The following NR3C1 variants were observed in gnomAD, a reference collection of about 807,000 sequenced individuals.
NR3C1 encodes nuclear receptor subfamily 3 group C member 1, also known as glucocorticoid receptor.
A neutral mutation model predicts 74.0 loss-of-function variants in NR3C1; 14 were observed. The ratio of observed to expected loss-of-function variants is 0.19; its 90% CI spans 0.12 to 0.30. NR3C1 has a LOEUF of 0.30. NR3C1 is among the 10% of genes least tolerant of loss of function. NR3C1 has a pLI of 1.00. For missense variants in NR3C1, 695 were observed against 909.8 expected (o/e 0.76, Z 3.04); for synonymous variants, 308 against 332.5 (o/e 0.93, Z 0.80).
rs1367059258 is a variant in NR3C1, at chr5:143,280,985, A to AAATT, written c.*900_*903dup. 2.0e-5 allele frequency: 3 copies of AAATT among 152,136 alleles called. No individual in the cohort carries two copies. Among genetic ancestry groups the AAATT allele is most frequent in the Admixed American group, 6.6e-5 (1 of 15,256 alleles). The allele number at this position is 152,136 out of a possible 1,614,324, so 9.4% of individuals were successfully genotyped here. ...CAGGGCCTCTTGGTAGTTATTTTTT[A>AAATT]AATTAGTCTTTTGCAACCATCATCC... On this transcript the variant is annotated 3_prime_UTR_variant, in exon 9 of 9. Coordinates refer to ENST00000394464, the MANE Select transcript of NR3C1 (RefSeq NM_000176.3).
chr5:143,293,810 A>G (rs1015276661), intron 7 of NR3C1: 19 of 838,088 alleles, frequency 2.3e-5, no homozygotes, highest in Middle Eastern at 6.2e-4. Context: ...ATTATTTACA[A>G]TGAAAAAAAT....
intron 2 of NR3C1, chr5:143,332,473 G>GT: frequency 3.7e-6 from 2 of 536,334 alleles, no homozygotes; most frequent in Non-Finnish European, 6.5e-6. Flanking sequence ...TACCTGATGA[G>GT]TTGATAGGTA....
intron 5 of NR3C1, among the ~76,000 whole-genome samples, 188 bp from the exon 6 acceptor site, chr5:143,299,000 C>CT (rs1817884419): frequency 7.4e-6 from 1 of 134,246 alleles, no homozygotes. Flanking sequence ...CACAAACCCT[C>CT]TTGTGTTTTT....
intron 3 of NR3C1, 45 bp downstream of exon 3, chr5:143,313,957 G>A (rs1460835894): frequency 6.2e-7 from 1 of 1,604,180 alleles, no homozygotes. Flanking sequence ...CCTGAGAAAT[G>A]AAAACCAAGT....
chr5:143,310,271 G>A, intron 3 of NR3C1, 58 bp from the exon 4 acceptor site: 5 of 1,200,118 alleles, frequency 4.2e-6, no homozygotes, highest in Non-Finnish European at 6.1e-6. Context: ...TATTTTATAA[G>A]GACAGCCTCT....
intron 1 of NR3C1, chr5:143,433,879 T>G (rs866103647): frequency 6.6e-6 from 1 of 152,410 alleles, no homozygotes; most frequent in Non-Finnish European, 1.5e-5. Context: ...AGTTCCTCCC[T>G]GCAGGCAGAG....
exon 1 of NR3C1, chr5:143,434,716 G>A: frequency 3.0e-6 from 3 of 985,438 alleles, no homozygotes; most frequent in Non-Finnish European, 3.6e-6. Context: ...GTTAATATCT[G>A]TGGCACACAA....
At chr5:143,317,750 TGTAAAATGTGCAG>T (rs1822466635) in intron 2 of NR3C1, among the ~76,000 whole-genome samples, 2 of 152,142 alleles carry the variant, frequency 1.3e-5, no homozygotes, top group Non-Finnish European at 1.5e-5. Flanking sequence ...TAGAGAAGCA[TGTAAAATGTGCAG>T]GTAAATTACA....
In NR3C1 at chr5:143,281,532, A is replaced by G. The variant is rs1256148309; in HGVS notation, c.*357T>C. On this transcript the variant is annotated 3_prime_UTR_variant, in exon 9 of 9. Transcript: ENST00000394464. ...AGAAAATTTCATCCAGCCAACTGTG[A>G]AAAAAAGTATGAAGAGAAAGTTCAT... 1 of 245,642 alleles carries G rather than the reference A, an allele frequency of 4.1e-6. No individual in the cohort carries two copies. 15.2% of individuals were successfully genotyped at this position (245,642 alleles called of 1,614,324 possible).
At chr5:143,435,315 T>C (rs1440441968) in exon 1 of NR3C1, 3 of 985,468 alleles carry the variant, frequency 3.0e-6, no homozygotes, top group Non-Finnish European at 2.4e-6. Flanking sequence ...TAAGGTCCAG[T>C]GATTTGGTAT....
intron 6 of NR3C1, among the ~76,000 whole-genome samples, chr5:143,297,331 A>G (rs1817529321): frequency 6.6e-6 from 1 of 152,198 alleles, no homozygotes; most frequent in South Asian, 2.1e-4. Flanking sequence ...TTAGTTTTAT[A>G]AACCAGGATA....
chr5:143,282,305 CAT>C (rs1469230185), intron 8 of NR3C1, among the ~76,000 whole-genome samples: 1 of 152,094 alleles, frequency 6.6e-6, no homozygotes, highest in Non-Finnish European at 1.5e-5. Context: ...ATGGATTAAT[CAT>C]ACTTTTTAAA....
intron 2 of NR3C1, among the ~76,000 whole-genome samples, chr5:143,379,542 T>A (rs980695179): frequency 1.3e-5 from 2 of 151,834 alleles, no homozygotes; most frequent in African/African-American, 4.8e-5. Flanking sequence ...CGCAAAAAAA[T>A]AAAAATAAAA....
chr5:143,412,680 C>T (rs765797064), intron 1 of NR3C1, among the ~76,000 whole-genome samples: 4 of 152,140 alleles, frequency 2.6e-5, no homozygotes, highest in Non-Finnish European at 4.4e-5. Flanking sequence ...TTCCACATTA[C>T]AGGTTTTTTT....
intron 2 of NR3C1, among the ~76,000 whole-genome samples, chr5:143,347,182 G>A (rs1193199598): frequency 1.3e-5 from 2 of 152,126 alleles, no homozygotes; most frequent in African/African-American, 4.8e-5. Flanking sequence ...TATTCAAATT[G>A]TCTTACCAAA....
Position 143,372,317 on chromosome 5 carries a change from T to C in NR3C1, c.1184+27339A>G, listed in dbSNP as rs535456079. On this transcript the variant is annotated intron_variant, in intron 2 of 8. Transcript: ENST00000394464. ...CCACTCCTGCACTTTGGGGCCACTA[T>C]GAAGTAAAATAAGGATTACTTGAAG... 3.9e-5 allele frequency among the ~76,000 whole-genome samples: 6 copies of C among 152,298 alleles called. No homozygotes were observed. In the South Asian group the frequency reaches 1.2e-3, roughly 32 times the overall value.
At chr5:143,408,753 G>A (rs1429337718) in intron 1 of NR3C1, among the ~76,000 whole-genome samples, 1 of 152,116 alleles carries the variant, frequency 6.6e-6, no homozygotes, top group Non-Finnish European at 1.5e-5. Context: ...TGCTCAAAAA[G>A]TTTTGGATTT....
intron 2 of NR3C1, among the ~76,000 whole-genome samples, chr5:143,338,246 G>A (rs1039003880): frequency 1.3e-5 from 2 of 152,086 alleles, no homozygotes; most frequent in African/African-American, 2.4e-5. Context: ...ACTGTGTACA[G>A]TACATAATAC....
At chr5:143,316,297 G>A (rs1822064221) in intron 2 of NR3C1, among the ~76,000 whole-genome samples, 1 of 152,192 alleles carries the variant, frequency 6.6e-6, no homozygotes, top group South Asian at 2.1e-4. Context: ...TGCTCAGCCA[G>A]TCTCTGTCAC....
Sources: allele counts gnomAD v4.1 joint callset (sites outside exome capture counted in the v4.1 genomes callset), GRCh38; gene constraint gnomAD v4.1.1; transcripts MANE v1.5; gene names NCBI Gene and HGNC (gene_info 2026-07-23, HGNC 2026-07-21).